Variants in ATP8A2 observed in about 807,000 individuals in gnomAD.
ATP8A2 encodes the protein ATPase phospholipid transporting 8A2, also known as phospholipid-transporting ATPase IB.
In ATP8A2, 100 loss-of-function variants were observed where a neutral mutation model predicts 165.6. The observed-to-expected ratio is 0.60, with a 90% CI of 0.51 to 0.71. The LOEUF (loss-of-function observed/expected upper bound fraction) is 0.71. ATP8A2 is among the 30% of genes least tolerant of loss of function. ATP8A2 has a pLI of 0.00. For synonymous variants in ATP8A2, 543 were observed against 548.8 expected, an observed-to-expected ratio of 0.99 and a Z score of 0.15; for missense variants, 1,227 against 1,479.5, an observed-to-expected ratio of 0.83 and a Z score of 2.80.
chr13:25,673,176 A>G (rs979743556), intron 24 of ATP8A2, among the ~76,000 whole-genome samples: 13 of 152,224 alleles, frequency 8.5e-5, no homozygotes, highest in African/African-American at 2.7e-4. Flanking sequence ...GAGATGAGGG[A>G]CAGAATGCTT....
intron 1 of ATP8A2, among the ~76,000 whole-genome samples, chr13:25,461,856 AGG>A (rs56682748): frequency 0.01 from 1,520 of 150,226 alleles, 13 homozygotes; most frequent in African/African-American, 0.021. Flanking sequence ...AAGAAGAAGG[AGG>A]AGGAGGAGGA....
At chr13:25,908,810 C>T (rs1380368429) in intron 33 of ATP8A2, among the ~76,000 whole-genome samples, 1 of 152,244 alleles carries the variant, frequency 6.6e-6, no homozygotes, top group Non-Finnish European at 1.5e-5. Flanking sequence ...ATGACTTCCA[C>T]AGCATTTTCA....
At chr13:25,480,800 C>T (rs1444079196) in intron 2 of ATP8A2, among the ~76,000 whole-genome samples, 1 of 149,408 alleles carries the variant, frequency 6.7e-6, no homozygotes, top group African/African-American at 2.5e-5. Context: ...GAGGCCAAGG[C>T]AGGTGGCTGG....
chr13:25,652,136 C>T (rs184606245), intron 24 of ATP8A2, among the ~76,000 whole-genome samples: 86 of 152,164 alleles, frequency 5.7e-4, no homozygotes, highest in Admixed American at 2.9e-3. Context: ...AGTTCCCTTC[C>T]GCACTCACTA....
chr13:25,695,278 A>C (rs2042812207), intron 24 of ATP8A2, among the ~76,000 whole-genome samples: 1 of 152,228 alleles, frequency 6.6e-6, no homozygotes, highest in Non-Finnish European at 1.5e-5. Flanking sequence ...ATACGCTAAC[A>C]ATCGCCTAAG....
intron 25 of ATP8A2, among the ~76,000 whole-genome samples, chr13:25,745,133 G>C (rs1434881572): frequency 6.6e-6 from 1 of 152,084 alleles, no homozygotes; most frequent in Non-Finnish European, 1.5e-5. Context: ...AGTAGAGACG[G>C]GGTTTTGCCA....
At chr13:25,606,739 GA>G (rs1198580035) in intron 24 of ATP8A2, among the ~76,000 whole-genome samples, 2 of 152,156 alleles carry the variant, frequency 1.3e-5, no homozygotes, top group African/African-American at 2.4e-5. Context: ...GGGTTAATGA[GA>G]AGTGAAAATG....
intron 33 of ATP8A2, among the ~76,000 whole-genome samples, chr13:25,902,583 A>G (rs1332194624): frequency 6.7e-6 from 1 of 148,848 alleles, no homozygotes; most frequent in Non-Finnish European, 1.5e-5. Flanking sequence ...AAAAAAAAAA[A>G]CAAAAAAGAA....
chr13:25,920,249 C>G (rs946493120), intron 33 of ATP8A2, among the ~76,000 whole-genome samples: 1 of 152,174 alleles, frequency 6.6e-6, no homozygotes, highest in Admixed American at 6.5e-5. Flanking sequence ...CTGGCTCATT[C>G]TTCCTGAATG....
intron 30 of ATP8A2, among the ~76,000 whole-genome samples, chr13:25,852,460 T>A (rs999222158): frequency 2.1e-4 from 32 of 152,366 alleles, no homozygotes; most frequent in African/African-American, 7.2e-4. Flanking sequence ...CCCGGAGTTG[T>A]TCACTTTCTG....
chr13:25,844,732 C>A (rs1464576025), intron 30 of ATP8A2, among the ~76,000 whole-genome samples: 1 of 152,052 alleles, frequency 6.6e-6, no homozygotes, highest in Non-Finnish European at 1.5e-5. Context: ...ACACCCAGAG[C>A]CCCAGAGGAG....
In ATP8A2 at chr13:25,544,291, A is replaced by G. The variant is rs543419264; in HGVS notation, c.891+889A>G. Among the ~76,000 whole-genome samples the G allele has an allele frequency of 2.6e-5, 4 of 152,372 alleles. No individual in the cohort carries two copies. In the South Asian group the frequency reaches 8.3e-4, roughly 32 times the overall value. ...TGCTGTCAGTGTGTATAGGAGGGTC[A>G]TTCAACCTAGGCTGGAAGCCAGTGG... On this transcript the variant is annotated intron_variant, in intron 10 of 36. Coordinates refer to ENST00000381655, the MANE Select transcript of ATP8A2 (RefSeq NM_016529.6).
chr13:25,724,144 A>T (rs1416784378), intron 25 of ATP8A2, among the ~76,000 whole-genome samples: 1 of 152,188 alleles, frequency 6.6e-6, no homozygotes, highest in African/African-American at 2.4e-5. Context: ...TGATACCTTG[A>T]TTTTACACTT....
chr13:25,787,820 A>G (rs1193436952), intron 27 of ATP8A2, among the ~76,000 whole-genome samples: 2 of 152,230 alleles, frequency 1.3e-5, no homozygotes, highest in Non-Finnish European at 2.9e-5. Context: ...TCAGAAAGTC[A>G]CTGGACTCCA....
At chr13:25,613,642 A>G (rs1295141929) in intron 24 of ATP8A2, among the ~76,000 whole-genome samples, 4 of 152,216 alleles carry the variant, frequency 2.6e-5, no homozygotes, top group African/African-American at 9.6e-5. Context: ...TGGTAGTGGC[A>G]AATTCTCTCA....
At chr13:25,414,505 T>C (rs2034076822) in intron 1 of ATP8A2, among the ~76,000 whole-genome samples, 1 of 152,162 alleles carries the variant, frequency 6.6e-6, no homozygotes, top group Non-Finnish European at 1.5e-5. Context: ...CTGTGTTTCT[T>C]AAACAGAAGT....
chr13:25,737,275 G>A (rs2043792676), intron 25 of ATP8A2, among the ~76,000 whole-genome samples: 1 of 152,176 alleles, frequency 6.6e-6, no homozygotes, highest in Middle Eastern at 3.2e-3. Flanking sequence ...TCACACTCAG[G>A]TGTTTGCACC....
At chr13:25,589,354 A>G (rs958625262) in intron 23 of ATP8A2, among the ~76,000 whole-genome samples, 3 of 152,174 alleles carry the variant, frequency 2.0e-5, no homozygotes, top group Non-Finnish European at 4.4e-5. Context: ...AGACGATCCA[A>G]GGCTTATCTT....
intron 25 of ATP8A2, among the ~76,000 whole-genome samples, chr13:25,730,293 A>G (rs2138079870): frequency 6.6e-6 from 1 of 152,168 alleles, no homozygotes; most frequent in African/African-American, 2.4e-5. Flanking sequence ...CCCTGTCTCA[A>G]CAACAACAAC....
Sources: gnomAD v4.1 joint callset for allele counts (sites outside exome capture counted in the v4.1 genomes callset) on GRCh38, gnomAD v4.1.1 for gene constraint, MANE v1.5 for transcripts, NCBI Gene and HGNC (gene_info 2026-07-23, HGNC 2026-07-21) for gene names.